Variants in RPS6KA2 observed in about 807,000 individuals in gnomAD.
RPS6KA2 encodes the protein ribosomal protein S6 kinase alpha-2.
RPS6KA2 carries 42 observed loss-of-function variants against 91.8 expected under a neutral mutation model. The observed-to-expected ratio is 0.46, with a 90% confidence interval of 0.36 to 0.59. The LOEUF (loss-of-function observed/expected upper bound fraction) is 0.59, where lower values mean the gene tolerates loss of function less well. Among genes scored for constraint, RPS6KA2 ranks in the 20% least tolerant of loss-of-function variants. The pLI, the probability that RPS6KA2 is intolerant of heterozygous loss-of-function variation, is 0.00. For missense variants in RPS6KA2, 798 were observed against 978.5 expected (o/e 0.82, Z 2.46); for synonymous variants, 414 against 393.6 (o/e 1.05, Z -0.61).
intron 2 of RPS6KA2, among the ~76,000 whole-genome samples, chr6:166,855,423 AGAAGAGGAAGAAGAG>A (rs1373367766): frequency 4.4e-5 from 5 of 113,408 alleles, no homozygotes; most frequent in Non-Finnish European, 8.7e-5. Flanking sequence ...AGGAGGAAGA[AGAAGAGGAAGAAGAG>A]GAAGAAGAAG....
chr6:166,559,992 A>T (rs761107364), intron 1 of RPS6KA2, among the ~76,000 whole-genome samples: 1 of 152,224 alleles, frequency 6.6e-6, no homozygotes, highest in African/African-American at 2.4e-5. Context: ...ACACATGTGA[A>T]CTTACAAAGA....
At chr6:166,772,696 G>T (rs1328519475) in intron 2 of RPS6KA2, among the ~76,000 whole-genome samples, 1 of 152,160 alleles carries the variant, frequency 6.6e-6, no homozygotes, top group African/African-American at 2.4e-5. Context: ...CTTTTCAAAG[G>T]AAGTGCCCCA....
upstream of RPS6KA2, among the ~76,000 whole-genome samples, chr6:166,629,360 G>T (rs535697011): frequency 1.3e-5 from 2 of 152,236 alleles, no homozygotes; most frequent in Non-Finnish European, 2.9e-5. Flanking sequence ...GACAAAATTG[G>T]AAAGGAAATA....
At chr6:166,590,572 T>C (rs1029233688) in intron 1 of RPS6KA2, among the ~76,000 whole-genome samples, 1 of 152,176 alleles carries the variant, frequency 6.6e-6, no homozygotes, top group Non-Finnish European at 1.5e-5. Flanking sequence ...CACTGTACTA[T>C]ACAGGGGATT....
At chr6:166,526,537 A>G (rs1266306184) in intron 3 of RPS6KA2, among the ~76,000 whole-genome samples, 1 of 151,850 alleles carries the variant, frequency 6.6e-6, no homozygotes, top group Non-Finnish European at 1.5e-5. Flanking sequence ...AATTTTTCGT[A>G]GAGATGGGGT....
intron 6 of RPS6KA2, among the ~76,000 whole-genome samples, chr6:166,503,957 G>C (rs895361030): frequency 6.6e-6 from 1 of 152,234 alleles, no homozygotes; most frequent in East Asian, 1.9e-4. Context: ...AAGTTCTTGG[G>C]AGAGCTGTTC....
chr6:166,856,593 C>T (rs72572657), intron 2 of RPS6KA2, among the ~76,000 whole-genome samples: 3 of 152,272 alleles, frequency 2.0e-5, no homozygotes, highest in Non-Finnish European at 2.9e-5. Context: ...AGGGCCTTGT[C>T]GTCAGCCTCC....
At chr6:166,476,524 T>G in intron 10 of RPS6KA2, among the ~76,000 whole-genome samples, 1 of 152,118 alleles carries the variant, frequency 6.6e-6, no homozygotes, top group African/African-American at 2.4e-5. Context: ...ATTTCTAGCT[T>G]ATTGTTTTGT....
At chr6:166,613,282 G>A (rs184802177) in intron 1 of RPS6KA2, among the ~76,000 whole-genome samples, 1 of 152,338 alleles carries the variant, frequency 6.6e-6, no homozygotes, top group East Asian at 1.9e-4. Context: ...AGGCGGCTGG[G>A]GTGCAAGAGC....
At chr6:166,835,941 G>A (rs921984806) in intron 2 of RPS6KA2, among the ~76,000 whole-genome samples, 7 of 152,086 alleles carry the variant, frequency 4.6e-5, no homozygotes, top group South Asian at 4.1e-4. Context: ...AATAGATTTC[G>A]AGTTTTCTCA....
chr6:166,451,073 C>T (rs1779896322), intron 13 of RPS6KA2, 30 bp downstream of exon 13: 1 of 1,613,238 alleles, frequency 6.2e-7, no homozygotes, highest in Non-Finnish European at 8.5e-7. Context: ...GCCCTCTTAC[C>T]CCCAACCCAC....
intron 2 of RPS6KA2, among the ~76,000 whole-genome samples, chr6:166,771,791 G>A (rs1037748036): frequency 6.6e-6 from 1 of 152,252 alleles, no homozygotes; most frequent in African/African-American, 2.4e-5. Flanking sequence ...GCTAACAGGA[G>A]ATGCCAGCGG....
chr6:166,700,224 C>A (rs1789469348), intron 2 of RPS6KA2, among the ~76,000 whole-genome samples: 1 of 152,238 alleles, frequency 6.6e-6, no homozygotes, highest in Non-Finnish European at 1.5e-5. Flanking sequence ...TTAGTACCAT[C>A]AGAAACTTTC....
At chr6:166,504,465 G>A (rs753186086) in intron 6 of RPS6KA2, 41 bp downstream of exon 6, 2 of 1,187,482 alleles carry the variant, frequency 1.7e-6, no homozygotes, top group South Asian at 2.6e-5. Flanking sequence ...ACATGGAGCT[G>A]ATGGGCGTGG....
chr6:166,463,218 C>G (rs778402597), intron 11 of RPS6KA2: 1 of 152,172 alleles, frequency 6.6e-6, no homozygotes, highest in Non-Finnish European at 1.5e-5. Context: ...AACCTAAGAA[C>G]GGGTTTGAGG....
rs1781546158 is a variant in RPS6KA2, at chr6:166,490,391, A to G, written c.818+280T>C. 6.6e-6 allele frequency among the ~76,000 whole-genome samples: 1 copy of G among 152,186 alleles called. No homozygotes were observed. Among genetic ancestry groups the G allele is most frequent in the African/African-American group, 2.4e-5 (1 of 41,440 alleles). On this transcript the variant is annotated intron_variant, in intron 9 of 20. Coordinates refer to ENST00000265678, the MANE Select transcript of RPS6KA2 (RefSeq NM_021135.6). This position sits in a 1 kb window ranked among gnomAD's most constrained non-coding sequence, Gnocchi z 4.2. The stretch of plus-strand genomic sequence containing the variant: ...TTACTGATGGAAAACTATCTATGGT[A>G]GAAGAGTTCATCAGAACCACTCAGC...
chr6:166,763,511 G>T (rs1170125558), intron 2 of RPS6KA2, among the ~76,000 whole-genome samples: 1 of 152,196 alleles, frequency 6.6e-6, no homozygotes, highest in East Asian at 1.9e-4. Context: ...AGGGTCAAAT[G>T]AGTTCACATT....
At chr6:166,641,114 T>C (rs140541798) in intron 2 of RPS6KA2, among the ~76,000 whole-genome samples, 446 of 152,272 alleles carry the variant, frequency 2.9e-3, no homozygotes, top group Non-Finnish European at 5.6e-3. Context: ...AGGAGGAACA[T>C]GCTTTAAACA....
In RPS6KA2 at chr6:166,504,529, G is replaced by A; in HGVS notation, c.543C>T (p.Ile181=). ...ACTTCTCAGGCTTCAGATCTCTGTA[G>A]ATGATCCCCAGGCTGTGGAGATGGT... The part of the protein sequence containing the change: ...ALDHLHSLGI[I]YRDLKPENIL... The change falls in exon 6 of 21, where the codon ATC becomes ATT. Residue 181 remains isoleucine, a synonymous_variant. Transcript: ENST00000265678. 4.3e-6 allele frequency: 7 copies of A among 1,612,458 alleles called. No homozygotes were observed. The highest frequency in any genetic ancestry group is 5.9e-6 in the Non-Finnish European group (7 of 1,178,910).
Sources: allele counts gnomAD v4.1 joint callset (sites outside exome capture counted in the v4.1 genomes callset), GRCh38; gene constraint gnomAD v4.1.1; non-coding constraint Gnocchi (gnomAD v3.1); transcripts MANE v1.5; gene names NCBI Gene and HGNC (gene_info 2026-07-23, HGNC 2026-07-21).